CRLS1: variants seen among roughly 807,000 people sequenced by gnomAD.
CRLS1 encodes the protein cardiolipin synthase (CMP-forming).
A neutral mutation model predicts 37.0 loss-of-function variants in CRLS1; 24 were observed. That is an observed-to-expected ratio of 0.65 (90% confidence interval 0.47 to 0.91). The LOEUF (loss-of-function observed/expected upper bound fraction) is 0.91, where lower values mean the gene tolerates loss of function less well. Among genes scored for constraint, CRLS1 ranks in the 40% least tolerant of loss-of-function variants. The pLI is 0.00. For missense variants in CRLS1, 373 were observed against 395.8 expected (o/e 0.94, Z 0.49); for synonymous variants, 135 against 159.7 (o/e 0.85, Z 1.17).
chr20:6,006,897 T>TA, intron 1 of CRLS1: 4 of 854,152 alleles, frequency 4.7e-6, no homozygotes, highest in Non-Finnish European at 5.6e-6. Context: ...TCCCCAGTGT[T>TA]TAGGGCAAGT....
At chr20:6,022,323 G>A (rs1366929574) in intron 3 of CRLS1, among the ~76,000 whole-genome samples, 2 of 133,250 alleles carry the variant, frequency 1.5e-5, no homozygotes, top group African/African-American at 2.8e-5. Flanking sequence ...GAAATCAGCT[G>A]TTAATCCATT....
chr20:6,031,201 G>C (rs1980137762), intron 3 of CRLS1, 84 bp from the exon 4 acceptor site: 17 of 859,434 alleles, frequency 2.0e-5, no homozygotes, highest in Non-Finnish European at 3.0e-5. Context: ...TTGTGGTAAG[G>C]CTGAATGACA....
chr20:6,031,366 C>T lies in CRLS1; in HGVS notation c.656C>T (p.Thr219Ile). 2 of 1,598,538 alleles carry T rather than the reference C, an allele frequency of 1.3e-6. No individual in the cohort carries two copies. The highest frequency in any genetic ancestry group is 1.1e-5 in the South Asian group (1 of 88,504). Reference protein sequence around the residue: ...VFYVRYRTLPTPRTLAKYFNP... With the variant: ...VFYVRYRTLPIPRTLAKYFNP... ...TATGTCAGATACCGAACTCTTCCAA[C>T]ACCAGTGAGTTTGTTTCCAAAAAGT... is the stretch of plus-strand genomic sequence containing the variant. Residue 219 changes from threonine to isoleucine, a missense_variant, in exon 4 of 7, where the codon ACA becomes ATA. By Grantham distance (89) the Thr-to-Ile change is moderately conservative (BLOSUM62 -1). Coordinates refer to ENST00000378863, the MANE Select transcript of CRLS1 (RefSeq NM_019095.6).
At chr20:6,027,884 A>G (rs1217252964) in intron 3 of CRLS1, among the ~76,000 whole-genome samples, 1 of 152,182 alleles carries the variant, frequency 6.6e-6, no homozygotes, top group East Asian at 1.9e-4. Context: ...TGCTCTTTAT[A>G]TGGACTTCTG....
In CRLS1 at chr20:6,034,508, A is replaced by G. The variant is rs760223500; in HGVS notation, c.774A>G (p.Ala258=). The G allele has an allele frequency of 1.1e-5, 18 of 1,613,292 alleles. No homozygotes were observed. In the South Asian group the frequency reaches 1.9e-4, roughly 17 times the overall value. ...TAATCTTGGTGGCAGCTTCTTTGGCAGCTCCAGTTTTCAACTATGCTGACA... is the reference window on the plus strand; with the variant it reads ...TAATCTTGGTGGCAGCTTCTTTGGCGGCTCCAGTTTTCAACTATGCTGACA... ...VQLILVAASL[A]APVFNYADSI... The change falls in exon 6 of 7, where the codon GCA becomes GCG. Residue 258 remains alanine (A), a synonymous_variant. Coordinates refer to ENST00000378863, the MANE Select transcript of CRLS1 (RefSeq NM_019095.6).
chr20:6,011,219 T>G (rs2122919962), intron 2 of CRLS1, among the ~76,000 whole-genome samples: 1 of 152,280 alleles, frequency 6.6e-6, no homozygotes, highest in East Asian at 1.9e-4. Flanking sequence ...AATTTATGTT[T>G]GAAAAGCTTT....
In CRLS1 at chr20:6,018,519, G is replaced by A. The variant is rs939159207; in HGVS notation, c.574+3029G>A. Among the ~76,000 whole-genome samples the A allele has an allele frequency of 3.3e-5, 5 of 152,102 alleles. No individual in the cohort carries two copies. The South Asian group carries it at 1.0e-3, about 31-fold the overall frequency. On this transcript the variant is annotated intron_variant, in intron 3 of 6. Coordinates refer to ENST00000378863, the MANE Select transcript of CRLS1 (RefSeq NM_019095.6). ...GTCTTATTCCCAACCTCATAGAAAA[G>A]CCTTTAGCGTTTCACTATTAAAGAT...
chr20:6,006,218 CCGAGACCCCGCGG>C lies in CRLS1; in HGVS notation c.-26_-14del. ...TCCCAGGCTGCTGAGCTCTCGCCGCCCGAGACCCCGCGGCGCGGCCGCAGGGCCATGCTAGCCT... is the reference window on the plus strand; with the variant it reads ...TCCCAGGCTGCTGAGCTCTCGCCGCCCGCGGCCGCAGGGCCATGCTAGCCT... On this transcript the variant is annotated 5_prime_UTR_variant, in exon 1 of 7. Transcript: ENST00000378863. 1 of 1,203,176 alleles carries C rather than the reference CCGAGACCCCGCGG, an allele frequency of 8.3e-7. No individual in the cohort carries two copies. The highest frequency in any genetic ancestry group is 1.0e-6 in the Non-Finnish European group (1 of 965,226). The allele number at this position is 1,203,176 out of a possible 1,614,324, so 74.5% of individuals were successfully genotyped here.
At chr20:6,032,887 T>C (rs994690390) in intron 5 of CRLS1, among the ~76,000 whole-genome samples, 2 of 152,074 alleles carry the variant, frequency 1.3e-5, no homozygotes, top group Non-Finnish European at 2.9e-5. Context: ...GGGGTGGACT[T>C]TCATCTACAT....
At chr20:6,019,691 C>CTTTT (rs146083457) in intron 3 of CRLS1, among the ~76,000 whole-genome samples, 1 of 120,250 alleles carries the variant, frequency 8.3e-6, no homozygotes, top group South Asian at 2.5e-4. Context: ...TTTCGAAATT[C>CTTTT]TTTTTTTTTT....
intron 1 of CRLS1, 45 bp downstream of exon 1, chr20:6,006,597 C>G: frequency 8.0e-7 from 1 of 1,246,636 alleles, no homozygotes; most frequent in Admixed American, 4.3e-5. Context: ...GGGCTGGGGT[C>G]GCCGCCCCTG....
chr20:6,006,650 C>G, intron 1 of CRLS1, 98 bp downstream of exon 1: 1 of 1,212,966 alleles, frequency 8.2e-7, no homozygotes, highest in Non-Finnish European at 1.0e-6. Context: ...CGGACGCTTC[C>G]GTTTCCTAAC....
Position 6,006,524 on chromosome 20 carries a change from A to G in CRLS1, c.278A>G (p.Gln93Arg), listed in dbSNP as rs753189895. The G allele has an allele frequency of 5.0e-5, 66 of 1,328,102 alleles. 1 individual carries two copies. The highest frequency in any genetic ancestry group is 5.8e-5 in the Non-Finnish European group (61 of 1,048,150). 82.3% of individuals were successfully genotyped at this position (1,328,102 alleles called of 1,614,324 possible). A position where few individuals can be genotyped will look rare whatever the true frequency, so the allele number is the denominator to read the frequency against. The change falls in exon 1 of 7, where the codon CAG becomes CGG. Residue 93 changes from glutamine (Q) to arginine (R), a missense_variant. Transcript: ENST00000378863. Reference protein sequence around the residue: ...AGAAAEAPGGQWGPASTPSLY... With the variant: ...AGAAAEAPGGRWGPASTPSLY... Reference sequence around the variant, plus strand: ...GCCGCTGCCGAAGCCCCGGGCGGCCAGTGGGGCCCGGCGAGCACCCCCAGC... The same window carrying G: ...GCCGCTGCCGAAGCCCCGGGCGGCCGGTGGGGCCCGGCGAGCACCCCCAGC...
chr20:6,014,188 A>C (rs1978560578), intron 2 of CRLS1, among the ~76,000 whole-genome samples: 2 of 152,178 alleles, frequency 1.3e-5, no homozygotes, highest in South Asian at 4.1e-4. Context: ...CACCCCTTTG[A>C]GGTAGGTAAT....
intron 1 of CRLS1, 76 bp downstream of exon 1, chr20:6,006,628 G>T: frequency 8.1e-7 from 1 of 1,227,176 alleles, no homozygotes; most frequent in Non-Finnish European, 1.0e-6. Context: ...ACAAGCTCTG[G>T]GTGGTGCAGC....
At position 6,011,021 on chromosome 20, in the gene CRLS1, A is replaced by G. The variant is rs544751774; in HGVS notation, c.444+1109A>G. 3.3e-5 allele frequency among the ~76,000 whole-genome samples: 5 copies of G among 151,652 alleles called. No homozygotes were observed. In the East Asian group the frequency reaches 7.7e-4, roughly 23 times the overall value. ...GACAGAGCAAGAACTTGTCTCTTAA[A>G]AAAAAAAAAAGGAAAAACTTCATGC... On this transcript the variant is annotated intron_variant, in intron 2 of 6. Transcript: ENST00000378863.
chr20:6,020,582 G>A (rs1056733964), intron 3 of CRLS1, among the ~76,000 whole-genome samples: 1 of 151,314 alleles, frequency 6.6e-6, no homozygotes, highest in African/African-American at 2.4e-5. Context: ...CAGTTCTTGG[G>A]TATGATGTTC....
intron 6 of CRLS1, among the ~76,000 whole-genome samples, chr20:6,036,687 G>A (rs1451728323): frequency 1.3e-5 from 2 of 152,194 alleles, no homozygotes; most frequent in Admixed American, 6.5e-5. Context: ...CCCTTCTGGA[G>A]AAGTCCTTTG....
At chr20:6,024,426 G>C (rs1229753794) in intron 3 of CRLS1, among the ~76,000 whole-genome samples, 1 of 152,192 alleles carries the variant, frequency 6.6e-6, no homozygotes, top group Non-Finnish European at 1.5e-5. Flanking sequence ...CCAAAATCCT[G>C]TTAATCAAGA....
Sources: allele counts gnomAD v4.1 joint callset (sites outside exome capture counted in the v4.1 genomes callset), GRCh38; gene constraint gnomAD v4.1.1; transcripts MANE v1.5; gene names NCBI Gene and HGNC (gene_info 2026-07-23, HGNC 2026-07-21).